The following TMEM232 variants were observed in gnomAD, a reference collection of about 807,000 sequenced individuals.
The protein encoded by TMEM232 is transmembrane protein 232.
Under a neutral mutation model 78.8 loss-of-function variants are expected in TMEM232, and 80 were observed. That is an observed-to-expected ratio of 1.01 (90% CI 0.85 to 1.22). TMEM232 has a LOEUF of 1.22. Among genes scored for constraint, TMEM232 ranks in the 50% most tolerant of loss-of-function variants. TMEM232 has a pLI of 0.00. For synonymous variants in TMEM232, 297 were observed against 254.3 expected (o/e 1.17, Z -1.60); for missense variants, 881 against 742.2 (o/e 1.19, Z -2.17).
chr5:110,459,810 G>GAATGT (rs1029813098), intron 12 of TMEM232, among the ~76,000 whole-genome samples: 2 of 152,094 alleles, frequency 1.3e-5, no homozygotes, highest in African/African-American at 4.8e-5. Flanking sequence ...AAGAACAAAT[G>GAATGT]AATGTCATCC....
At chr5:110,538,060 G>T (rs13361908) in intron 11 of TMEM232, among the ~76,000 whole-genome samples, 11,415 of 152,178 alleles carry the variant, frequency 0.075, 542 homozygotes, top group South Asian at 0.2. Flanking sequence ...ATGAACAACC[G>T]GGCTAAATTT....
intron 12 of TMEM232, among the ~76,000 whole-genome samples, chr5:110,525,474 A>G (rs1178171846): frequency 6.6e-6 from 1 of 152,034 alleles, no homozygotes; most frequent in Non-Finnish European, 1.5e-5. Flanking sequence ...TAAAGTACCT[A>G]TAAATAAACA....
chr5:110,714,079 C>T (rs1388336232), intron 1 of TMEM232, among the ~76,000 whole-genome samples: 1 of 152,170 alleles, frequency 6.6e-6, no homozygotes, highest in African/African-American at 2.4e-5. Flanking sequence ...AGTGTGACTA[C>T]ACCCCTCACC....
At chr5:110,445,121 T>C (rs905832154) in intron 12 of TMEM232, among the ~76,000 whole-genome samples, 1 of 152,006 alleles carries the variant, frequency 6.6e-6, no homozygotes, top group Non-Finnish European at 1.5e-5. Context: ...TTAGAGTTTT[T>C]TTGGACATTT....
chr5:110,433,727 A>G lies in TMEM232; in HGVS notation c.1704-8811T>C, dbSNP rs146888542. On this transcript the variant is annotated intron_variant, in intron 12 of 13. Coordinates refer to ENST00000455884, the MANE Select transcript of TMEM232 (RefSeq NM_001039763.4). ...ATGCATTTGCTGAATTTATTGTTCA[A>G]TGGTTATGATCAAATCGTTTTTAAA... Among the ~76,000 whole-genome samples, 850 of 130,124 alleles carry G rather than the reference A, an allele frequency of 6.5e-3. 5 individuals are homozygous for G. The highest frequency in any genetic ancestry group is 0.023 in the African/African-American group (798 of 33,996). The allele number at this position is 130,124 out of a possible 152,430, so 85.4% of individuals were successfully genotyped here.
At chr5:110,656,214 G>C (rs983325951) in intron 2 of TMEM232, among the ~76,000 whole-genome samples, 1 of 152,038 alleles carries the variant, frequency 6.6e-6, no homozygotes, top group African/African-American at 2.4e-5. Flanking sequence ...CCCAATCAAC[G>C]TTTGCCAAAT....
intron 3 of TMEM232, among the ~76,000 whole-genome samples, chr5:110,391,220 A>C (rs1054667132): frequency 1.6e-4 from 24 of 150,890 alleles, no homozygotes; most frequent in African/African-American, 5.6e-4. Flanking sequence ...AGATGAGATA[A>C]CTCTGTCAAA....
intron 2 of TMEM232, among the ~76,000 whole-genome samples, chr5:110,657,879 A>G (rs1239457232): frequency 2.0e-5 from 3 of 152,194 alleles, no homozygotes; most frequent in Non-Finnish European, 4.4e-5. Context: ...AAAATATTAA[A>G]TATTGACTAC....
chr5:110,673,764 A>C (rs1372728932), intron 1 of TMEM232, among the ~76,000 whole-genome samples: 4 of 152,222 alleles, frequency 2.6e-5, no homozygotes, highest in Non-Finnish European at 4.4e-5. Flanking sequence ...AATGAAGAAA[A>C]GCATACGCCT....
At chr5:110,735,708 A>G (rs892114192) in intron 1 of TMEM232, among the ~76,000 whole-genome samples, 7 of 152,194 alleles carry the variant, frequency 4.6e-5, no homozygotes, top group Non-Finnish European at 7.3e-5. Flanking sequence ...CATAAACGAC[A>G]TTGTGTTTCC....
rs116272778 is a variant in TMEM232 at position 110,522,422 on chromosome 5, T to A, written c.1703+6166A>T. Among the ~76,000 whole-genome samples the A allele has an allele frequency of 6.5e-3, 997 of 152,318 alleles. 10 individuals carry two copies. Among genetic ancestry groups the A allele is most frequent in the African/African-American group, 0.023 (943 of 41,576 alleles). Reference sequence around the variant, plus strand: ...TGGATGCCTTTTATTTTTTCTTGTCTAATTATTCAAGCTAGGACTTCTTGT... The same window carrying A: ...TGGATGCCTTTTATTTTTTCTTGTCAAATTATTCAAGCTAGGACTTCTTGT... On this transcript the variant is annotated intron_variant, in intron 12 of 13. Coordinates refer to ENST00000455884, the MANE Select transcript of TMEM232 (RefSeq NM_001039763.4).
At chr5:110,397,990 C>T (rs1394013442) in intron 2 of TMEM232, 1 of 152,408 alleles carries the variant, frequency 6.6e-6, no homozygotes, top group Non-Finnish European at 1.5e-5. Context: ...ACTGTCAACT[C>T]TTAATTATTT....
chr5:110,688,506 A>G (rs1000424214), intron 1 of TMEM232, among the ~76,000 whole-genome samples: 2 of 152,162 alleles, frequency 1.3e-5, no homozygotes, highest in African/African-American at 2.4e-5. Context: ...CAGCACCTCA[A>G]AAGAAATGGC....
intron 12 of TMEM232, among the ~76,000 whole-genome samples, chr5:110,448,428 C>T (rs1050034503): frequency 5.3e-5 from 8 of 152,020 alleles, no homozygotes; most frequent in African/African-American, 1.4e-4. Flanking sequence ...TCTGTTATGT[C>T]GTTCTAGAAA....
chr5:110,715,351 G>C (rs150806408), intron 1 of TMEM232, among the ~76,000 whole-genome samples: 3,631 of 152,110 alleles, frequency 0.024, 46 homozygotes, highest in African/African-American at 0.032. Context: ...GCAAGCAAAA[G>C]TATAGAGACT....
chr5:110,539,568 A>G (rs1202074236), intron 11 of TMEM232, among the ~76,000 whole-genome samples: 2 of 152,150 alleles, frequency 1.3e-5, no homozygotes, highest in Admixed American at 1.3e-4. Context: ...AAAAATCCTA[A>G]TACCGGAGGA....
At chr5:110,649,717 G>A (rs1788028182) in intron 2 of TMEM232, among the ~76,000 whole-genome samples, 1 of 152,074 alleles carries the variant, frequency 6.6e-6, no homozygotes, top group Non-Finnish European at 1.5e-5. Flanking sequence ...TTTCGAGTAT[G>A]AAGGGCCTTA....
intron 10 of TMEM232, among the ~76,000 whole-genome samples, chr5:110,574,650 G>C (rs950368799): frequency 6.6e-6 from 1 of 152,022 alleles, no homozygotes; most frequent in Non-Finnish European, 1.5e-5. Flanking sequence ...CCCAAAAATT[G>C]TAAATTGCAA....
chr5:110,413,078 G>A (rs1467739345), intron 2 of TMEM232, among the ~76,000 whole-genome samples: 1 of 152,078 alleles, frequency 6.6e-6, no homozygotes, highest in Non-Finnish European at 1.5e-5. Flanking sequence ...CTGTGAGGAC[G>A]TTGCCAAAGG....
Sources: gnomAD v4.1 joint callset for allele counts (sites outside exome capture counted in the v4.1 genomes callset) on GRCh38, gnomAD v4.1.1 for gene constraint, MANE v1.5 for transcripts, NCBI Gene and HGNC (gene_info 2026-07-23, HGNC 2026-07-21) for gene names.